Variants in EPHA3 observed in about 807,000 individuals in gnomAD.
EPHA3 encodes EPH receptor A3.
A neutral mutation model predicts 107.1 loss-of-function variants in EPHA3; 42 were observed. The ratio of observed to expected loss-of-function variants is 0.39; its 90% CI spans 0.31 to 0.51. The LOEUF is 0.51. Ranked by LOEUF, EPHA3 falls within the 20% of genes least tolerant of loss-of-function variation. The pLI is 0.78. For missense variants in EPHA3, 1,183 were observed against 1,211.2 expected (o/e 0.98, Z 0.35); for synonymous variants, 461 against 424.8 (o/e 1.09, Z -1.05).
At chr3:89,339,815 A>G (rs1481273752) in intron 3 of EPHA3, among the ~76,000 whole-genome samples, 1 of 152,214 alleles carries the variant, frequency 6.6e-6, no homozygotes, top group Non-Finnish European at 1.5e-5. Flanking sequence ...TCTGTAAATC[A>G]TCAAGTCTAT....
intron 6 of EPHA3, among the ~76,000 whole-genome samples, chr3:89,397,008 C>T (rs1255946728): frequency 6.6e-6 from 1 of 151,928 alleles, no homozygotes; most frequent in African/African-American, 2.4e-5. Context: ...TAGGTTTTTC[C>T]CTATATCAGG....
chr3:89,215,047 CAT>C (rs1262576420), intron 3 of EPHA3, among the ~76,000 whole-genome samples: 1 of 151,774 alleles, frequency 6.6e-6, no homozygotes, highest in Non-Finnish European at 1.5e-5. Context: ...TTGAAAGAAT[CAT>C]GTGAATCAAA....
intron 3 of EPHA3, among the ~76,000 whole-genome samples, chr3:89,232,599 C>T (rs868204936): frequency 2.0e-5 from 3 of 152,188 alleles, no homozygotes; most frequent in Non-Finnish European, 4.4e-5. Context: ...AATTTAAATA[C>T]TAGTGGGGCA....
chr3:89,120,755 G>C (rs185134748), intron 1 of EPHA3, among the ~76,000 whole-genome samples: 1 of 152,098 alleles, frequency 6.6e-6, no homozygotes, highest in Non-Finnish European at 1.5e-5. Flanking sequence ...AGATTGAGAT[G>C]AGACAGCTAA....
At chr3:89,346,800 T>C (rs1186651405) in intron 5 of EPHA3, among the ~76,000 whole-genome samples, 1 of 144,358 alleles carries the variant, frequency 6.9e-6, no homozygotes, top group Non-Finnish European at 1.6e-5. Flanking sequence ...TTGTATAAGG[T>C]GTAAGGAAGG....
chr3:89,318,756 A>G (rs1357770048), intron 3 of EPHA3, among the ~76,000 whole-genome samples: 2 of 151,956 alleles, frequency 1.3e-5, no homozygotes, highest in South Asian at 2.1e-4. Context: ...TGACATCTCT[A>G]AAGAATGGTA....
chr3:89,299,496 A>T (rs1454905449), intron 3 of EPHA3, among the ~76,000 whole-genome samples: 3 of 152,138 alleles, frequency 2.0e-5, no homozygotes, highest in Middle Eastern at 3.4e-3. Flanking sequence ...AAGTAACGGC[A>T]TCATCATAAA....
intron 16 of EPHA3, among the ~76,000 whole-genome samples, chr3:89,476,387 C>T (rs1330889502): frequency 3.4e-5 from 5 of 147,948 alleles, no homozygotes; most frequent in African/African-American, 9.8e-5. Context: ...TTTTTTTTTC[C>T]AGCCACTTGG....
intron 2 of EPHA3, among the ~76,000 whole-genome samples, chr3:89,162,166 G>A (rs1704962325): frequency 6.6e-6 from 1 of 151,992 alleles, no homozygotes; most frequent in African/African-American, 2.4e-5. Flanking sequence ...CTGAAAAGGG[G>A]TATTACTTAA....
At chr3:89,164,010 ATATTACCATAT>A (rs1705005130) in intron 2 of EPHA3, among the ~76,000 whole-genome samples, 1 of 152,176 alleles carries the variant, frequency 6.6e-6, no homozygotes, top group Non-Finnish European at 1.5e-5. Context: ...GTACCAAATA[ATATTACCATAT>A]TATTTTCAAG....
chr3:89,303,028 G>T (rs1706528284), intron 3 of EPHA3, among the ~76,000 whole-genome samples: 1 of 152,010 alleles, frequency 6.6e-6, no homozygotes. Context: ...GGGTACCTGG[G>T]ATTACTGGTA....
chr3:89,141,029 T>C lies in EPHA3; in HGVS notation c.153+13756T>C, dbSNP rs561280590. Among the ~76,000 whole-genome samples the C allele has an allele frequency of 1.3e-5, 2 of 151,706 alleles. 1 individual carries two copies. Among genetic ancestry groups the C allele is most frequent in the African/African-American group, 4.8e-5 (2 of 41,482 alleles). On this transcript the variant is annotated intron_variant, in intron 2 of 16. Coordinates refer to ENST00000336596, the MANE Select transcript of EPHA3 (RefSeq NM_005233.6). ...AGAGAGAACAGTAAGGCCCAAAGAA[T>C]TTAAATAAATCGAACAAATTCACAA...
chr3:89,260,981 C>T (rs1705401895), intron 3 of EPHA3, among the ~76,000 whole-genome samples: 1 of 152,196 alleles, frequency 6.6e-6, no homozygotes, highest in South Asian at 2.1e-4. Context: ...CTTCCATTAT[C>T]TGCACATTTC....
intron 3 of EPHA3, among the ~76,000 whole-genome samples, chr3:89,271,624 C>T (rs937186701): frequency 2.6e-4 from 39 of 151,762 alleles, no homozygotes; most frequent in African/African-American, 9.4e-4. Flanking sequence ...TTATCTCCAT[C>T]CATACCGATA....
chr3:89,354,054 A>G (rs1459732981), intron 5 of EPHA3, among the ~76,000 whole-genome samples: 3 of 151,400 alleles, frequency 2.0e-5, no homozygotes, highest in Admixed American at 1.3e-4. Flanking sequence ...TAGACTTTTG[A>G]TGCTAACTTG....
At chr3:89,479,327 G>A (rs12636710) in intron 16 of EPHA3, 70 bp from the exon 17 acceptor site, 274,585 of 1,199,152 alleles carry the variant, frequency 0.23, 35,244 homozygotes, top group Non-Finnish European at 0.26. Context: ...TGCAAATTGT[G>A]CTAATTGAAA....
chr3:89,176,590 T>A (rs939504701), intron 2 of EPHA3, among the ~76,000 whole-genome samples: 2 of 152,072 alleles, frequency 1.3e-5, no homozygotes, highest in African/African-American at 4.8e-5. Flanking sequence ...CAGGAATTTC[T>A]CTTGCAGAAT....
intron 2 of EPHA3, among the ~76,000 whole-genome samples, chr3:89,132,670 G>A (rs1430913576): frequency 6.6e-6 from 1 of 152,104 alleles, no homozygotes; most frequent in African/African-American, 2.4e-5. Flanking sequence ...AGGGCTTCAG[G>A]ATCAGCCTGG....
intron 2 of EPHA3, among the ~76,000 whole-genome samples, chr3:89,188,065 G>T (rs1705616251): frequency 6.6e-6 from 1 of 151,992 alleles, no homozygotes; most frequent in Non-Finnish European, 1.5e-5. Flanking sequence ...TAATATAAAA[G>T]AAAACTAGTA....
Sources: gnomAD v4.1 joint callset for allele counts (sites outside exome capture counted in the v4.1 genomes callset) on GRCh38, gnomAD v4.1.1 for gene constraint, MANE v1.5 for transcripts, NCBI Gene and HGNC (gene_info 2026-07-23, HGNC 2026-07-21) for gene names.